MORC2: variants seen among roughly 807,000 people sequenced by gnomAD.
The protein encoded by MORC2 is ATPase MORC2.
Under a neutral mutation model 136.0 loss-of-function variants are expected in MORC2, and 30 were observed. That is an observed-to-expected ratio of 0.22 (90% CI 0.17 to 0.30). The LOEUF (loss-of-function observed/expected upper bound fraction) is 0.30. Among genes scored for constraint, MORC2 ranks in the 10% least tolerant of loss-of-function variants. The pLI is 1.00. For missense variants in MORC2, 922 were observed against 1,333.1 expected (o/e 0.69, Z 4.80); for synonymous variants, 439 against 487.0 (o/e 0.90, Z 1.30).
chr22:30,940,724 ACCC>A (rs750156809), intron 10 of MORC2, 31 bp downstream of exon 10: 15 of 1,591,230 alleles, frequency 9.4e-6, no homozygotes, highest in Non-Finnish European at 1.3e-5. Context: ...CCAGATGCAC[ACCC>A]CCCCAACTCC....
chr22:30,965,261 G>A (rs147476666), intron 1 of MORC2, among the ~76,000 whole-genome samples: 2 of 152,192 alleles, frequency 1.3e-5, no homozygotes, highest in East Asian at 1.9e-4. Flanking sequence ...AAATGGTCTC[G>A]TGTTCCTAAG....
At position 30,966,216 on chromosome 22, in the gene MORC2, C is replaced by A. The variant is rs1483314444; in HGVS notation, c.68+1606G>T. Among the ~76,000 whole-genome samples the A allele has an allele frequency of 2.0e-5, 3 of 152,266 alleles. 1 individual carries two copies. Among genetic ancestry groups the A allele is most frequent in the Middle Eastern group, 6.8e-3 (2 of 292 alleles). Reference sequence around the variant, plus strand: ...ATTCTGAAGTCCAGTTCATGGTCTTCCAAGATTATCATAAAATCTGTAATT... The same window carrying A: ...ATTCTGAAGTCCAGTTCATGGTCTTACAAGATTATCATAAAATCTGTAATT... On this transcript the variant is annotated intron_variant, in intron 1 of 25. Transcript: ENST00000397641.
At chr22:30,967,781 C>A in intron 1 of MORC2, 41 bp downstream of exon 1, 1 of 1,548,232 alleles carries the variant, frequency 6.5e-7, no homozygotes, top group Non-Finnish European at 8.7e-7. Context: ...TATCAAGGAA[C>A]GAGTTACTGG....
intron 1 of MORC2, 164 bp from the exon 2 acceptor site, chr22:30,958,858 C>T: frequency 5.2e-6 from 3 of 572,900 alleles, no homozygotes; most frequent in Non-Finnish European, 9.2e-6. Flanking sequence ...CCCAACTCCC[C>T]TCAATTGTTA....
intron 1 of MORC2, among the ~76,000 whole-genome samples, chr22:30,962,594 C>CAA (rs11317522): frequency 1.8e-4 from 21 of 117,290 alleles, no homozygotes; most frequent in Non-Finnish European, 2.4e-4. Context: ...GACCCTGTCT[C>CAA]AAAAAAAAAA....
chr22:30,933,402 G>A, intron 21 of MORC2, 64 bp downstream of exon 21: 3 of 1,560,520 alleles, frequency 1.9e-6, no homozygotes, highest in Non-Finnish European at 2.6e-6. Context: ...TGCTGGTAAG[G>A]GGCTCCACTT....
chr22:30,939,849 C>T lies in MORC2; in HGVS notation c.987+110G>A, dbSNP rs535212134. ...ATTTACTTCTTTCTACAGAAAACAGCCCTCACTGGGGACAAACTCAAAAGC... is the reference window on the plus strand; with the variant it reads ...ATTTACTTCTTTCTACAGAAAACAGTCCTCACTGGGGACAAACTCAAAAGC... On this transcript the variant is annotated intron_variant, in intron 11 of 25. Transcript: ENST00000397641. The T allele has an allele frequency of 9.4e-5, 127 of 1,350,822 alleles. No homozygotes were observed. In the African/African-American group the frequency reaches 1.6e-3, roughly 17 times the overall value. The allele number at this position is 1,350,822 out of a possible 1,614,324, so 83.7% of individuals were successfully genotyped here. A position where few individuals can be genotyped will look rare whatever the true frequency, so the allele number is the denominator to read the frequency against.
At chr22:30,963,647 A>C (rs1038190872) in intron 1 of MORC2, among the ~76,000 whole-genome samples, 1 of 152,146 alleles carries the variant, frequency 6.6e-6, no homozygotes, top group Non-Finnish European at 1.5e-5. Flanking sequence ...TGGCCTTCCA[A>C]AGTGCTGGGA....
chr22:30,950,339 AC>A lies in MORC2; in HGVS notation c.226+37del, dbSNP rs564452263. The A allele has an allele frequency of 4.5e-4, 245 of 540,528 alleles. 9 individuals carry two copies. Among genetic ancestry groups the A allele is most frequent in the African/African-American group, 1.9e-3 (84 of 43,640 alleles). The allele number at this position is 540,528 out of a possible 1,614,324, so 33.5% of individuals were successfully genotyped here. A position where few individuals can be genotyped will look rare whatever the true frequency, so the allele number is the denominator to read the frequency against. On this transcript the variant is annotated intron_variant, in intron 4 of 25. Transcript: ENST00000397641. ...TATTTTGTAAAAATGGTTACATCGC[AC>A]CCCCCCACCCCCCAAAACAATAATC... is the stretch of plus-strand genomic sequence containing the variant.
At chr22:30,963,676 C>A (rs1187567684) in intron 1 of MORC2, among the ~76,000 whole-genome samples, 1 of 152,066 alleles carries the variant, frequency 6.6e-6, no homozygotes, top group Non-Finnish European at 1.5e-5. Context: ...ATGAGCCAAC[C>A]GCGCCTGGCT....
chr22:30,950,492 G>A, intron 3 of MORC2, 47 bp from the exon 4 acceptor site: 1 of 1,567,972 alleles, frequency 6.4e-7, no homozygotes, highest in African/African-American at 1.3e-5. Context: ...CCACCACAGG[G>A]TGGCAACATG....
At chr22:30,950,353 C>CCCAACAAAA in intron 4 of MORC2, 24 bp downstream of exon 4, 1 of 1,481,960 alleles carries the variant, frequency 6.7e-7, no homozygotes, top group Non-Finnish European at 9.4e-7. Context: ...CCCCACCCCC[C>CCCAACAAAA]AAAACAATAA....
chr22:30,956,860 A>T, intron 2 of MORC2, 63 bp from the exon 3 acceptor site: 1 of 1,266,060 alleles, frequency 7.9e-7, no homozygotes, highest in Non-Finnish European at 1.1e-6. Flanking sequence ...CAAAATGCAT[A>T]GTGATTTGAG....
intron 1 of MORC2, among the ~76,000 whole-genome samples, chr22:30,963,749 G>A (rs1011746693): frequency 2.6e-5 from 4 of 152,038 alleles, no homozygotes; most frequent in African/African-American, 9.7e-5. Flanking sequence ...CATTTCCAGG[G>A]ACAAATTCAC....
intron 9 of MORC2, 151 bp from the exon 10 acceptor site, chr22:30,940,988 A>G (rs940321270): frequency 2.8e-6 from 2 of 721,982 alleles, no homozygotes; most frequent in African/African-American, 3.5e-5. Flanking sequence ...AATTCAGCAA[A>G]AAGGTGCAGT....
intron 4 of MORC2, 85 bp downstream of exon 4, chr22:30,950,292 A>G (rs2040868725): frequency 1.4e-6 from 2 of 1,445,086 alleles, no homozygotes; most frequent in East Asian, 2.3e-5. Flanking sequence ...GAGGCAACAG[A>G]AAAACAAGTT....
rs1266212690 is a variant in MORC2, at chr22:30,935,236, C to T, written c.1812+12G>A. 1.2e-6 allele frequency: 2 copies of T among 1,613,018 alleles called. No individual in the cohort carries two copies. Among genetic ancestry groups the T allele is most frequent in the Non-Finnish European group, 1.7e-6 (2 of 1,179,606 alleles). ...CCTGAGGAAAAGCCCTTCCCAGGCC[C>T]CTGGACTTCACCTCAGTGGAAGGTC... On this transcript the variant is annotated intron_variant, in intron 18 of 25. Transcript: ENST00000397641.
chr22:30,938,777 G>A (rs2147258961), intron 12 of MORC2, among the ~76,000 whole-genome samples: 1 of 152,170 alleles, frequency 6.6e-6, no homozygotes, highest in Non-Finnish European at 1.5e-5. Flanking sequence ...CACTGTGTTA[G>A]CCAGGATGGT....
chr22:30,959,488 C>G (rs2041012621), intron 1 of MORC2, among the ~76,000 whole-genome samples: 1 of 152,198 alleles, frequency 6.6e-6, no homozygotes, highest in Non-Finnish European at 1.5e-5. Context: ...AGTTTCCTTT[C>G]TTCACTGGTA....
Sources: gnomAD v4.1 joint callset for allele counts (sites outside exome capture counted in the v4.1 genomes callset) on GRCh38, gnomAD v4.1.1 for gene constraint, MANE v1.5 for transcripts, NCBI Gene and HGNC (gene_info 2026-07-23, HGNC 2026-07-21) for gene names.